Variants in SPAG16 observed in about 807,000 individuals in gnomAD.
The protein encoded by SPAG16 is sperm associated antigen 16.
In SPAG16, 86 loss-of-function variants were observed where a neutral mutation model predicts 80.4. That is an observed-to-expected ratio of 1.07 (90% confidence interval 0.90 to 1.28). The LOEUF is 1.28. SPAG16 is among the 50% of genes most tolerant of loss of function. The pLI, the probability that SPAG16 is intolerant of heterozygous loss-of-function variation, is 0.00. For missense variants in SPAG16, 870 were observed against 765.3 expected (o/e 1.14, Z -1.61); for synonymous variants, 294 against 265.9 (o/e 1.11, Z -1.03).
chr2:214,257,866 T>G (rs1690810597), intron 15 of SPAG16, among the ~76,000 whole-genome samples: 1 of 151,858 alleles, frequency 6.6e-6, no homozygotes. Context: ...GATGCAAGAG[T>G]TTGTTTGGAT....
chr2:213,720,876 G>C (rs1443544668), intron 10 of SPAG16, among the ~76,000 whole-genome samples: 1 of 147,872 alleles, frequency 6.8e-6, no homozygotes, highest in Non-Finnish European at 1.5e-5. Flanking sequence ...CTCCCAGTTA[G>C]CTGGGACTAC....
chr2:213,287,915 A>T (rs1204695203), intron 1 of SPAG16, among the ~76,000 whole-genome samples: 1 of 152,072 alleles, frequency 6.6e-6, no homozygotes, highest in Non-Finnish European at 1.5e-5. Flanking sequence ...AAAAATTATT[A>T]TTTTTTTAGA....
intron 10 of SPAG16, among the ~76,000 whole-genome samples, chr2:213,702,341 A>G (rs113824900): frequency 1.9e-4 from 29 of 152,336 alleles, no homozygotes; most frequent in Non-Finnish European, 3.5e-4. Flanking sequence ...CATGCTGTGG[A>G]AGGTTTGTTC....
chr2:214,379,211 C>T (rs1700309761), intron 15 of SPAG16, among the ~76,000 whole-genome samples: 1 of 152,196 alleles, frequency 6.6e-6, no homozygotes, highest in South Asian at 2.1e-4. Context: ...AAATATCCAA[C>T]ATGACAGTTC....
At position 213,710,248 on chromosome 2, in the gene SPAG16, C is replaced by T. The variant is rs998075128; in HGVS notation, c.1071-152237C>T. On this transcript the variant is annotated intron_variant, in intron 10 of 15. Transcript: ENST00000331683. ...GCAGTGAGCCGAGATCGCACCACTG[C>T]GCTCCAGCCTGGGTGACAAAGCAAA... Among the ~76,000 whole-genome samples the T allele has an allele frequency of 1.1e-3, 172 of 150,966 alleles. 1 individual carries two copies. The highest frequency in any genetic ancestry group is 4.3e-4 in the Non-Finnish European group (29 of 67,892).
chr2:213,858,615 G>A (rs1316407510), intron 10 of SPAG16, among the ~76,000 whole-genome samples: 1 of 152,126 alleles, frequency 6.6e-6, no homozygotes, highest in Non-Finnish European at 1.5e-5. Flanking sequence ...AAGATTGCCT[G>A]ATACCTGGAG....
At chr2:213,562,989 G>A (rs1032221940) in intron 10 of SPAG16, among the ~76,000 whole-genome samples, 1 of 152,188 alleles carries the variant, frequency 6.6e-6, no homozygotes, top group African/African-American at 2.4e-5. Flanking sequence ...CCATCACGCT[G>A]GGCGTTAGGA....
intron 12 of SPAG16, among the ~76,000 whole-genome samples, chr2:214,005,235 C>T (rs929142850): frequency 2.6e-5 from 4 of 152,100 alleles, no homozygotes; most frequent in Non-Finnish European, 5.9e-5. Flanking sequence ...ATATTCTTTG[C>T]GAAAATGTTT....
chr2:213,824,295 C>T (rs530944999), intron 10 of SPAG16, among the ~76,000 whole-genome samples: 6 of 152,210 alleles, frequency 3.9e-5, no homozygotes, highest in South Asian at 4.2e-4. Flanking sequence ...CCAAAATGGA[C>T]GTACCTTAGA....
chr2:214,237,845 A>G (rs969902966), intron 15 of SPAG16, among the ~76,000 whole-genome samples: 1 of 152,052 alleles, frequency 6.6e-6, no homozygotes, highest in African/African-American at 2.4e-5. Flanking sequence ...AAGAAGTTTA[A>G]TGGGACTTAT....
At chr2:213,744,819 G>A (rs755460046) in intron 10 of SPAG16, among the ~76,000 whole-genome samples, 4 of 152,158 alleles carry the variant, frequency 2.6e-5, no homozygotes, top group African/African-American at 9.7e-5. Context: ...TACATATAAG[G>A]TGCCATTAGA....
chr2:213,903,877 A>G (rs1318022575), intron 11 of SPAG16, among the ~76,000 whole-genome samples: 3 of 152,072 alleles, frequency 2.0e-5, no homozygotes, highest in Non-Finnish European at 4.4e-5. Context: ...CATCTCTCTC[A>G]AGTTCAAAGT....
intron 13 of SPAG16, among the ~76,000 whole-genome samples, chr2:214,020,566 G>A (rs2125001433): frequency 6.6e-6 from 1 of 152,222 alleles, no homozygotes; most frequent in Non-Finnish European, 1.5e-5. Flanking sequence ...CTGTAATTCA[G>A]TGATTCACAA....
intron 10 of SPAG16, among the ~76,000 whole-genome samples, chr2:213,836,974 T>C (rs1257580163): frequency 6.7e-6 from 1 of 150,006 alleles, no homozygotes; most frequent in Non-Finnish European, 1.5e-5. Flanking sequence ...CTCATAAAAA[T>C]AAAACAAAAC....
In SPAG16 at chr2:213,855,494, G is replaced by A. The variant is rs547980766; in HGVS notation, c.1071-6991G>A. ...GAGAACAGGAATATCTCATTTTATC[G>A]CATTTCACTTTGTTGCATTTCATAG... is the stretch of plus-strand genomic sequence containing the variant. On this transcript the variant is annotated intron_variant, in intron 10 of 15. Transcript: ENST00000331683. Among the ~76,000 whole-genome samples, 6 of 152,284 alleles carry A rather than the reference G, an allele frequency of 3.9e-5. No individual in the cohort carries two copies. In the South Asian group the frequency reaches 1.0e-3, roughly 26 times the overall value.
intron 11 of SPAG16, among the ~76,000 whole-genome samples, chr2:213,881,518 A>G (rs535386334): frequency 3.5e-3 from 529 of 152,260 alleles, no homozygotes; most frequent in Non-Finnish European, 5.8e-3. Context: ...AAGGAAAGAG[A>G]TTTAATTGAC....
chr2:213,928,319 C>A (rs2078587445), intron 11 of SPAG16, among the ~76,000 whole-genome samples: 2 of 151,448 alleles, frequency 1.3e-5, no homozygotes, highest in Admixed American at 1.3e-4. Context: ...GTCTCTATCT[C>A]CTGACCTCAT....
At chr2:213,372,696 G>T (rs13411988) in intron 8 of SPAG16, among the ~76,000 whole-genome samples, 29,762 of 151,812 alleles carry the variant, frequency 0.2, 3,845 homozygotes, top group Non-Finnish European at 0.3. Context: ...TAATCTCTTA[G>T]ACATTTTCTG....
intron 15 of SPAG16, among the ~76,000 whole-genome samples, chr2:214,247,727 T>TG (rs1470450354): frequency 6.6e-6 from 1 of 151,992 alleles, no homozygotes; most frequent in African/African-American, 2.4e-5. Flanking sequence ...TAAGAACAGC[T>TG]GATGTGACAA....
Sources: allele counts gnomAD v4.1 joint callset (sites outside exome capture counted in the v4.1 genomes callset), GRCh38; gene constraint gnomAD v4.1.1; transcripts MANE v1.5; gene names NCBI Gene and HGNC (gene_info 2026-07-23, HGNC 2026-07-21).